TFEB: variants seen among roughly 807,000 people sequenced by gnomAD.
TFEB encodes transcription factor EB.
A neutral mutation model predicts 48.0 loss-of-function variants in TFEB; 12 were observed. The ratio of observed to expected loss-of-function variants is 0.25; its 90% CI spans 0.16 to 0.40. The LOEUF (loss-of-function observed/expected upper bound fraction) is 0.40. Ranked by LOEUF, TFEB falls within the 10% of genes least tolerant of loss-of-function variation. TFEB has a pLI of 1.00. For missense variants in TFEB, 509 were observed against 640.3 expected (o/e 0.79, Z 2.21); for synonymous variants, 244 against 261.4 (o/e 0.93, Z 0.64).
At chr6:41,726,063 C>T (rs1363741821) in intron 1 of TFEB, among the ~76,000 whole-genome samples, 2 of 152,052 alleles carry the variant, frequency 1.3e-5, no homozygotes, top group African/African-American at 2.4e-5. Context: ...GAGCTGAGAT[C>T]GCGCCACTGC....
chr6:41,721,178 G>A (rs1388373102), intron 1 of TFEB, among the ~76,000 whole-genome samples: 1 of 152,108 alleles, frequency 6.6e-6, no homozygotes, highest in Non-Finnish European at 1.5e-5. Flanking sequence ...CTAAGAACTG[G>A]GCCCTGATTC....
At chr6:41,726,719 G>A (rs1176867417) in intron 1 of TFEB, among the ~76,000 whole-genome samples, 2 of 152,130 alleles carry the variant, frequency 1.3e-5, no homozygotes, top group East Asian at 3.9e-4. Flanking sequence ...GATTACAGGC[G>A]TGAGCCACCG....
intron 1 of TFEB, among the ~76,000 whole-genome samples, chr6:41,700,505 A>T (rs1016009520): frequency 6.6e-5 from 10 of 151,976 alleles, no homozygotes; most frequent in African/African-American, 2.4e-4. Flanking sequence ...CAAAGAATGA[A>T]TTACATGAGG....
chr6:41,691,770 C>T lies in TFEB; in HGVS notation c.-22-535G>A, dbSNP rs1314758476. ...TGCTCACAACTCCCCATGGTTCCCA[C>T]CTTCCTCAGGGGAAAAGCTAAAGTC... On this transcript the variant is annotated intron_variant, in intron 1 of 8. Transcript: ENST00000373033. The surrounding 1 kb of genome is among the most constrained non-coding windows in gnomAD (Gnocchi z 5.2). Among the ~76,000 whole-genome samples, 1 of 152,152 alleles carries T rather than the reference C, an allele frequency of 6.6e-6. No homozygotes were observed. The highest frequency in any genetic ancestry group is 1.9e-4 in the East Asian group (1 of 5,202).
intron 5 of TFEB, 45 bp downstream of exon 5, chr6:41,687,863 G>A: frequency 6.2e-7 from 1 of 1,610,004 alleles, no homozygotes; most frequent in African/African-American, 1.3e-5. Flanking sequence ...GAAAAGGAGG[G>A]AGGAGTCGGG....
Position 41,684,789 on chromosome 6 carries a change from G to A in TFEB, c.1241C>T (p.Pro414Leu), listed in dbSNP as rs1263752675. 1.2e-6 allele frequency: 2 copies of A among 1,608,162 alleles called. No individual in the cohort carries two copies. Among genetic ancestry groups the A allele is most frequent in the African/African-American group, 1.3e-5 (1 of 74,884 alleles). The stretch of plus-strand genomic sequence containing the variant: ...GCCATGCCCCGGCGCCAGGGGTTCG[G>A]GGTAGCCCGGGGGACCCTCGTCCTC... Reference protein sequence around the residue: ...GREDEGPPGYPEPLAPGHGSP... With the variant: ...GREDEGPPGYLEPLAPGHGSP... Residue 414 changes from proline to leucine, a missense_variant, in exon 9 of 9, where the codon CCC (proline) becomes CTC (leucine). Physicochemically the swap from Pro to Leu is moderately conservative, Grantham distance 98. Transcript: ENST00000373033.
intron 1 of TFEB, among the ~76,000 whole-genome samples, chr6:41,704,901 A>G (rs6458236): frequency 0.35 from 53,805 of 152,170 alleles, 10,833 homozygotes; most frequent in African/African-American, 0.56. Context: ...GCTCTGGCTC[A>G]CTGGGTGCTG....
rs1252240291 is a variant in TFEB, at chr6:41,691,016, A to C, written c.198T>G (p.Pro66=). Reference sequence around the variant, plus strand: ...CAGGCCCTACCTTCAACACCTCCCCAGGCACAGGTGGTGGCGACTGGAAGT... The same window carrying C: ...CAGGCCCTACCTTCAACACCTCCCCCGGCACAGGTGGTGGCGACTGGAAGT... ...PVHFQSPPPV[P]GEVLKVQSYL... The change falls in exon 2 of 9, where the codon CCT becomes CCG. Residue 66 remains proline, a synonymous_variant. Transcript: ENST00000373033. This position sits in a 1 kb window ranked among gnomAD's most constrained non-coding sequence, Gnocchi z 5.2. The C allele has an allele frequency of 6.3e-7, 1 of 1,576,646 alleles. No homozygotes were observed. The highest frequency in any genetic ancestry group is 1.8e-5 in the Admixed American group (1 of 54,910).
chr6:41,696,563 G>A (rs912999392), intron 1 of TFEB, among the ~76,000 whole-genome samples: 3 of 152,020 alleles, frequency 2.0e-5, no homozygotes, highest in Admixed American at 6.6e-5. Flanking sequence ...GCGTGGTGGT[G>A]TGCACCTGTA....
intron 1 of TFEB, among the ~76,000 whole-genome samples, chr6:41,705,354 G>A (rs1005491149): frequency 1.3e-5 from 2 of 152,106 alleles, no homozygotes; most frequent in Non-Finnish European, 2.9e-5. Flanking sequence ...ATTTTAATTG[G>A]TCACCTGCCT....
chr6:41,731,043 C>T (rs1241574345), intron 1 of TFEB, among the ~76,000 whole-genome samples: 1 of 152,172 alleles, frequency 6.6e-6, no homozygotes, highest in Admixed American at 6.5e-5. Flanking sequence ...TTCCCTAGAG[C>T]TCTCCATGCC....
chr6:41,709,372 T>A (rs1770380234), intron 1 of TFEB, among the ~76,000 whole-genome samples: 1 of 152,236 alleles, frequency 6.6e-6, no homozygotes, highest in African/African-American at 2.4e-5. Flanking sequence ...GGAGAATTTC[T>A]GTAAGGATTA....
chr6:41,712,043 C>T (rs767925747), intron 1 of TFEB, among the ~76,000 whole-genome samples: 27 of 152,302 alleles, frequency 1.8e-4, no homozygotes, highest in South Asian at 6.2e-4. Flanking sequence ...TCCCCAGCCC[C>T]GGCCATACCT....
At position 41,713,303 on chromosome 6, in the gene TFEB, G is replaced by A. The variant is rs547663905; in HGVS notation, c.-23+22047C>T. Reference sequence around the variant, plus strand: ...TGCAGCCAGGATGGCGAGGCGGGTGGTGGGCAGGTGGAGCTTGTCCTCTCC... The same window carrying A: ...TGCAGCCAGGATGGCGAGGCGGGTGATGGGCAGGTGGAGCTTGTCCTCTCC... On this transcript the variant is annotated intron_variant, in intron 1 of 8. Transcript: ENST00000373033. Among the ~76,000 whole-genome samples the A allele has an allele frequency of 3.9e-5, 6 of 152,276 alleles. No homozygotes were observed. The South Asian group carries it at 1.0e-3, about 26-fold the overall frequency.
chr6:41,709,022 G>A (rs561417000), intron 1 of TFEB, among the ~76,000 whole-genome samples: 1 of 152,330 alleles, frequency 6.6e-6, no homozygotes, highest in Non-Finnish European at 1.5e-5. Flanking sequence ...GGGTAGTGAT[G>A]GCAACATTAG....
chr6:41,718,624 G>A (rs926440870), intron 1 of TFEB, among the ~76,000 whole-genome samples: 1 of 151,550 alleles, frequency 6.6e-6, no homozygotes, highest in African/African-American at 2.4e-5. Flanking sequence ...CCCTGTTTGA[G>A]GTTTTGTACC....
chr6:41,706,553 C>A (rs1295633919), intron 1 of TFEB, among the ~76,000 whole-genome samples: 2 of 149,642 alleles, frequency 1.3e-5, no homozygotes, highest in African/African-American at 4.9e-5. Context: ...CTGGGAAGAG[C>A]TAACAGGGGC....
intron 1 of TFEB, among the ~76,000 whole-genome samples, chr6:41,709,442 G>A (rs781459934): frequency 6.6e-6 from 1 of 152,216 alleles, no homozygotes; most frequent in African/African-American, 2.4e-5. Context: ...ATATTAGATG[G>A]ATGCATGTAT....
Position 41,684,908 on chromosome 6 carries a change from A to G in TFEB, c.1122T>C (p.Ala374=), listed in dbSNP as rs1185901120. ...AEVPDPEPLP[A]LPPQAPLPLP... Reference sequence around the variant, plus strand: ...GGGGCAGCGGGGCTTGCGGGGGCAGAGCTGGCAGTGGCTCAGGGTCAGGGA... The same window carrying G: ...GGGGCAGCGGGGCTTGCGGGGGCAGGGCTGGCAGTGGCTCAGGGTCAGGGA... Residue 374 remains alanine, a synonymous_variant, in exon 9 of 9, where the codon GCT becomes GCC. Transcript: ENST00000373033. 1 of 1,573,312 alleles carries G rather than the reference A, an allele frequency of 6.4e-7. No individual in the cohort carries two copies. The highest frequency in any genetic ancestry group is 8.6e-7 in the Non-Finnish European group (1 of 1,159,024).
Sources: allele counts gnomAD v4.1 joint callset (sites outside exome capture counted in the v4.1 genomes callset), GRCh38; gene constraint gnomAD v4.1.1; non-coding constraint Gnocchi (gnomAD v3.1); transcripts MANE v1.5; gene names NCBI Gene and HGNC (gene_info 2026-07-23, HGNC 2026-07-21).